Variants in PDCD4 observed in about 807,000 individuals in gnomAD.
The protein encoded by PDCD4 is programmed cell death protein 4.
Under a neutral mutation model 54.0 loss-of-function variants are expected in PDCD4, and 56 were observed. That is an observed-to-expected ratio of 1.04 (90% CI 0.84 to 1.30). The LOEUF is 1.30. PDCD4 is among the 50% of genes most tolerant of loss of function. The pLI is 0.00. For missense variants in PDCD4, 584 were observed against 559.8 expected (o/e 1.04, Z -0.44); for synonymous variants, 186 against 194.8 (o/e 0.95, Z 0.37).
At chr10:110,894,240 C>A in intron 9 of PDCD4, 42 bp downstream of exon 9, 1 of 1,128,886 alleles carries the variant, frequency 8.9e-7, no homozygotes, top group Non-Finnish European at 1.4e-6. Context: ...ATTAAGTGTT[C>A]CTTTTTGTAC....
At chr10:110,891,639 TAGTA>T (rs1452132763) in intron 8 of PDCD4, among the ~76,000 whole-genome samples, 1 of 152,080 alleles carries the variant, frequency 6.6e-6, no homozygotes, top group Non-Finnish European at 1.5e-5. Context: ...TTTTGATTTT[TAGTA>T]AGTCTTTTAA....
In PDCD4 at chr10:110,875,962, A is replaced by G. The variant is rs1407579333; in HGVS notation, c.-62-4A>G. On this transcript the variant is annotated splice_polypyrimidine_tract_variant and splice_region_variant and intron_variant, in intron 1 of 11. Coordinates refer to ENST00000280154, the MANE Select transcript of PDCD4 (RefSeq NM_014456.5). ...AGCTTTCTTTTTTTCTTTTAAAAAA[A>G]CAGATTCTGAAGGAAGATTTCCATT... 2.3e-6 allele frequency: 3 copies of G among 1,290,188 alleles called. No homozygotes were observed. In the East Asian group the frequency reaches 7.4e-5, roughly 32 times the overall value. The allele number at this position is 1,290,188 out of a possible 1,614,324, so 79.9% of individuals were successfully genotyped here.
At chr10:110,877,222 T>C (rs1845519159) in intron 2 of PDCD4, among the ~76,000 whole-genome samples, 1 of 152,234 alleles carries the variant, frequency 6.6e-6, no homozygotes, top group African/African-American at 2.4e-5. Context: ...GTTTAGAATA[T>C]ATTTTACATA....
At chr10:110,883,594 CTT>C (rs1845624851) in intron 4 of PDCD4, among the ~76,000 whole-genome samples, 1 of 152,058 alleles carries the variant, frequency 6.6e-6, no homozygotes, top group South Asian at 2.1e-4. Flanking sequence ...GTACTCCTCT[CTT>C]AGCTTTACAA....
chr10:110,876,726 A>G, intron 2 of PDCD4: 1 of 1,328,616 alleles, frequency 7.5e-7, no homozygotes, highest in Non-Finnish European at 1.0e-6. Context: ...CATAAAAATG[A>G]ACAGTTTTGT....
chr10:110,878,628 G>A (rs920056781), intron 2 of PDCD4, among the ~76,000 whole-genome samples: 2 of 151,984 alleles, frequency 1.3e-5, no homozygotes, highest in Admixed American at 6.5e-5. Context: ...CGTCTCTTTA[G>A]CTGTCAATAC....
At chr10:110,876,276 T>C (rs1330255701) in intron 2 of PDCD4, among the ~76,000 whole-genome samples, 2 of 152,128 alleles carry the variant, frequency 1.3e-5, no homozygotes, top group African/African-American at 4.8e-5. Context: ...TTATTTTTTG[T>C]AGAGATAGGA....
chr10:110,896,572 G>A (rs551005832), intron 11 of PDCD4, among the ~76,000 whole-genome samples: 19 of 152,170 alleles, frequency 1.2e-4, no homozygotes, highest in African/African-American at 4.1e-4. Context: ...GTGTGTGTTG[G>A]GGGGTGTGTG....
chr10:110,884,628 A>G (rs898166728), intron 4 of PDCD4: 2 of 152,026 alleles, frequency 1.3e-5, no homozygotes, highest in Non-Finnish European at 2.9e-5. Flanking sequence ...TTGATTACTA[A>G]AAGATTGGTT....
chr10:110,892,353 G>A (rs1431368182), intron 8 of PDCD4, among the ~76,000 whole-genome samples: 1 of 152,090 alleles, frequency 6.6e-6, no homozygotes, highest in Non-Finnish European at 1.5e-5. Flanking sequence ...AAAGAAAATT[G>A]ACAAGATAAA....
At chr10:110,888,024 G>T in intron 6 of PDCD4, 138 bp downstream of exon 6, 3 of 571,380 alleles carry the variant, frequency 5.3e-6, no homozygotes, top group South Asian at 4.7e-5. Flanking sequence ...TATTCCGCTA[G>T]CATTTTGATG....
Position 110,899,240 on chromosome 10 carries a change from T to A in PDCD4, c.*1152T>A, listed in dbSNP as rs1461828075. On this transcript the variant is annotated 3_prime_UTR_variant, in exon 12 of 12. Coordinates refer to ENST00000280154, the MANE Select transcript of PDCD4 (RefSeq NM_014456.5). ...TGACTGCAGCAAACAAGAATTATAT[T>A]CAGAATTTATGAGGGTACTGTTAGG... 6.6e-6 allele frequency: 1 copy of A among 152,176 alleles called. No homozygotes were observed. The highest frequency in any genetic ancestry group is 2.4e-5 in the African/African-American group (1 of 41,448). 9.4% of individuals were successfully genotyped at this position (152,176 alleles called of 1,614,324 possible).
chr10:110,879,705 T>G (rs1302790186), intron 2 of PDCD4, among the ~76,000 whole-genome samples: 1 of 152,076 alleles, frequency 6.6e-6, no homozygotes, highest in Non-Finnish European at 1.5e-5. Context: ...GGACTACTTT[T>G]AAAGGATCTT....
chr10:110,898,380 T>C lies in PDCD4; in HGVS notation c.*292T>C, dbSNP rs1229185213. The C allele has an allele frequency of 4.4e-6, 1 of 228,948 alleles. No homozygotes were observed. The allele number at this position is 228,948 out of a possible 1,614,324, so 14.2% of individuals were successfully genotyped here. On this transcript the variant is annotated 3_prime_UTR_variant, in exon 12 of 12. Coordinates refer to ENST00000280154, the MANE Select transcript of PDCD4 (RefSeq NM_014456.5). ...GTTTATTATCTAATCATTCCAAGTTTTGCATTGATGTCTGACTGCCACTCC... is the reference window on the plus strand; with the variant it reads ...GTTTATTATCTAATCATTCCAAGTTCTGCATTGATGTCTGACTGCCACTCC...
intron 11 of PDCD4, 76 bp from the exon 12 acceptor site, chr10:110,897,952 G>T: frequency 1.9e-6 from 2 of 1,054,958 alleles, no homozygotes; most frequent in Non-Finnish European, 1.3e-6. Flanking sequence ...AAAATACCAA[G>T]TTTTTAATTT....
At position 110,881,218 on chromosome 10, in the gene PDCD4, A is replaced by T. The variant is rs1472510314; in HGVS notation, c.44-15A>T. The T allele has an allele frequency of 2.8e-5, 44 of 1,585,860 alleles. No individual in the cohort carries two copies. In the Admixed American group the frequency reaches 4.2e-4, roughly 15 times the overall value. On this transcript the variant is annotated splice_polypyrimidine_tract_variant and intron_variant, in intron 2 of 11. Coordinates refer to ENST00000280154, the MANE Select transcript of PDCD4 (RefSeq NM_014456.5). Reference sequence around the variant, plus strand: ...TAAAATACTTAGAATTTTTTTCTTCATTTTTCTCTTTAAGATCCTGATAAC... The same window carrying T: ...TAAAATACTTAGAATTTTTTTCTTCTTTTTTCTCTTTAAGATCCTGATAAC...
Position 110,894,425 on chromosome 10 carries a change from T to G in PDCD4, c.1112T>G (p.Val371Gly), listed in dbSNP as rs530829510. The G allele has an allele frequency of 6.5e-7, 1 of 1,544,038 alleles. No homozygotes were observed. The highest frequency in any genetic ancestry group is 1.4e-5 in the African/African-American group (1 of 73,680). Residue 371 changes from valine (V) to glycine (G), a missense_variant, in exon 10 of 12, where the codon GTT becomes GGT. Coordinates refer to ENST00000280154, the MANE Select transcript of PDCD4 (RefSeq NM_014456.5). ...TTCAATTTTTAGGCTATTATAATGG[T>G]TTTAGAGTCAACTGGAGAAAGTACA... ...HELVYEAIIM[V>G]LESTGESTFK...
chr10:110,896,629 G>A (rs975088190), intron 11 of PDCD4, among the ~76,000 whole-genome samples: 2 of 151,940 alleles, frequency 1.3e-5, no homozygotes, highest in African/African-American at 4.8e-5. Context: ...GATTTTCCTT[G>A]GAGCTATTAA....
rs1436694386 is a variant in PDCD4, at chr10:110,898,869, T to C, written c.*781T>C. 65 of 152,634 alleles carry C rather than the reference T, an allele frequency of 4.3e-4. No homozygotes were observed. Among genetic ancestry groups the C allele is most frequent in the Non-Finnish European group, 4.4e-5 (3 of 68,000 alleles). 9.5% of individuals were successfully genotyped at this position (152,634 alleles called of 1,614,324 possible). A position where few individuals can be genotyped will look rare whatever the true frequency, so the allele number is the denominator to read the frequency against. ...ATCTTAGTGTTCCCTTGAAAACTTTTTTTCCCTACAAAATTTTAAGTGAAA... is the reference window on the plus strand; with the variant it reads ...ATCTTAGTGTTCCCTTGAAAACTTTCTTTCCCTACAAAATTTTAAGTGAAA... On this transcript the variant is annotated 3_prime_UTR_variant, in exon 12 of 12. Coordinates refer to ENST00000280154, the MANE Select transcript of PDCD4 (RefSeq NM_014456.5).
Sources: gnomAD v4.1 joint callset for allele counts (sites outside exome capture counted in the v4.1 genomes callset) on GRCh38, gnomAD v4.1.1 for gene constraint, MANE v1.5 for transcripts, NCBI Gene and HGNC (gene_info 2026-07-23, HGNC 2026-07-21) for gene names.